The following NDUFA11 variants were observed in gnomAD, a reference collection of about 807,000 sequenced individuals.
NDUFA11 encodes NADH:ubiquinone oxidoreductase subunit A11, also known as NADH dehydrogenase [ubiquinone] 1 alpha subcomplex subunit 11.
In NDUFA11, 14 loss-of-function variants were observed where a neutral mutation model predicts 11.3. That is an observed-to-expected ratio of 1.24 (90% CI 0.82 to 1.94). NDUFA11 has a LOEUF of 1.94. Ranked by LOEUF, NDUFA11 falls within the 30% of genes most tolerant of loss-of-function variation. The pLI is 0.00. For missense variants in NDUFA11, 204 were observed against 200.3 expected (o/e 1.02, Z -0.11); for synonymous variants, 87 against 85.6 (o/e 1.02, Z -0.09).
intron 1 of NDUFA11, chr19:5,899,788 G>T (rs926972612): frequency 6.6e-6 from 1 of 152,000 alleles, no homozygotes; most frequent in African/African-American, 2.4e-5. Context: ...TAATGGGAGG[G>T]GACTGCCAGC....
At chr19:5,893,127 C>G (rs1478897730), downstream of NDUFA11, 2 of 1,535,978 alleles carry the variant, frequency 1.3e-6, no homozygotes, top group Non-Finnish European at 1.7e-6. The surrounding 1 kb of genome is among the most constrained non-coding windows in gnomAD (Gnocchi z 4.1). Context: ...CATCTGTGCT[C>G]TCTCCAGAGA....
At chr19:5,901,555 T>G (rs1599696708) in intron 1 of NDUFA11, 1 of 1,004,490 alleles carries the variant, frequency 1.0e-6, no homozygotes, top group South Asian at 1.5e-5. Context: ...TGCCTCCCAA[T>G]GGAGCCGCAA....
Position 5,896,526 on chromosome 19 carries a change from G to T in NDUFA11, c.240C>A (p.Val80=). The change falls in exon 3 of 4, where the codon GTC becomes GTA. Residue 80 remains valine (V), a synonymous_variant. Coordinates refer to ENST00000308961, the MANE Select transcript of NDUFA11 (RefSeq NM_175614.5). This position sits in a 1 kb window ranked among gnomAD's most constrained non-coding sequence, Gnocchi z 5.8. ...FGLTTCISAH[V]REKPDDPLNY... ...TCAGGGGGTCGTCGGGCTTCTCGCG[G>T]ACATGGGCGCTGATGCAGGTGGTGA... 6.4e-7 allele frequency: 1 copy of T among 1,569,894 alleles called. No homozygotes were observed. Among genetic ancestry groups the T allele is most frequent in the East Asian group, 2.3e-5 (1 of 42,776 alleles).
chr19:5,894,993 G>A, intron 3 of NDUFA11, 139 bp from the exon 4 acceptor site: 1 of 957,812 alleles, frequency 1.0e-6, no homozygotes, highest in Non-Finnish European at 1.5e-6. Flanking sequence ...AAGTCACTCA[G>A]GAAGAGGGCC....
intron 1 of NDUFA11, among the ~76,000 whole-genome samples, chr19:5,903,404 A>G (rs190686539): frequency 6.6e-6 from 1 of 151,390 alleles, no homozygotes; most frequent in Non-Finnish European, 1.5e-5. Flanking sequence ...GCATGTCACG[A>G]CCTCCCAGTG....
downstream of NDUFA11, chr19:5,891,883 T>TCAGTTTA (rs2057580129): frequency 6.6e-6 from 1 of 151,958 alleles, no homozygotes; most frequent in Non-Finnish European, 1.5e-5. Flanking sequence ...TGGGAAGGGC[T>TCAGTTTA]CCATGAAGTT....
At chr19:5,899,036 C>G (rs572466432) in intron 1 of NDUFA11, among the ~76,000 whole-genome samples, 2 of 152,016 alleles carry the variant, frequency 1.3e-5, no homozygotes, top group Non-Finnish European at 2.9e-5. Flanking sequence ...GCCCAGCAGC[C>G]CCATCCTCAG....
At chr19:5,901,803 G>A (rs1474962177) in intron 1 of NDUFA11, among the ~76,000 whole-genome samples, 6 of 151,308 alleles carry the variant, frequency 4.0e-5, no homozygotes, top group African/African-American at 1.2e-4. Flanking sequence ...CTGAGTATCT[G>A]GGACTACAGG....
chr19:5,891,559 C>A (rs2057578503), downstream of NDUFA11: 1 of 152,190 alleles, frequency 6.6e-6, no homozygotes, highest in Non-Finnish European at 1.5e-5. Flanking sequence ...CAGGGCCAGG[C>A]CGGTGTTCTT....
At position 5,894,873 on chromosome 19, in the gene NDUFA11, G is replaced by T. The variant is rs761826291; in HGVS notation, c.314-19C>A. On this transcript the variant is annotated intron_variant, in intron 3 of 3. Coordinates refer to ENST00000308961, the MANE Select transcript of NDUFA11 (RefSeq NM_175614.5). ...TTGTGCGCTGTGGGAGTGGGGAGGT[G>T]ATGTCAGGCCCGGGTGGGGCTCGGC... The T allele has an allele frequency of 1.9e-6, 3 of 1,584,206 alleles. No homozygotes were observed. Among genetic ancestry groups the T allele is most frequent in the Non-Finnish European group, 1.7e-6 (2 of 1,164,470 alleles).
At chr19:5,898,180 G>A (rs990463198) in intron 1 of NDUFA11, among the ~76,000 whole-genome samples, 7 of 151,880 alleles carry the variant, frequency 4.6e-5, no homozygotes, top group Admixed American at 6.6e-5. Flanking sequence ...CCAGCACAGC[G>A]AGCCTGGACG....
chr19:5,895,217 G>A, intron 3 of NDUFA11: 1 of 275,528 alleles, frequency 3.6e-6, no homozygotes, highest in Non-Finnish European at 7.1e-6. Context: ...GCCCATGGAT[G>A]CCAGGGCCAG....
chr19:5,898,878 T>TAAAA (rs34771049), intron 1 of NDUFA11, among the ~76,000 whole-genome samples: 5 of 82,502 alleles, frequency 6.1e-5, no homozygotes, highest in East Asian at 3.9e-4. Context: ...CGTCTCAAAA[T>TAAAA]AAAAAAAAAA....
intron 3 of NDUFA11, chr19:5,895,075 C>T (rs961018407): frequency 1.7e-6 from 1 of 580,558 alleles, no homozygotes; most frequent in Non-Finnish European, 3.0e-6. Flanking sequence ...AGCAGGAACC[C>T]AGGCTGTGGG....
At chr19:5,901,334 C>T (rs773317937) in intron 1 of NDUFA11, 43 of 1,286,212 alleles carry the variant, frequency 3.3e-5, no homozygotes, top group East Asian at 1.7e-4. Context: ...TCGATAAGGA[C>T]CTGATGGGAA....
chr19:5,895,998 G>T (rs2057605501), intron 3 of NDUFA11: 1 of 263,930 alleles, frequency 3.8e-6, no homozygotes, highest in Non-Finnish European at 7.3e-6. Flanking sequence ...CTGACTCACA[G>T]GCCAGTGGCA....
At position 5,903,695 on chromosome 19, in the gene NDUFA11, A is replaced by C. The variant is rs17841788; in HGVS notation, c.14T>G (p.Val5Gly). 6.4e-7 allele frequency: 1 copy of C among 1,550,888 alleles called. No homozygotes were observed. Among genetic ancestry groups the C allele is most frequent in the Non-Finnish European group, 8.7e-7 (1 of 1,146,720 alleles). The change falls in exon 1 of 4, where the codon GTT becomes GGT. Residue 5 changes from valine to glycine, a missense_variant. Val to Gly is a moderately radical substitution (Grantham distance 109). Transcript: ENST00000308961. MAPK[V>G]FRQYWDIPDG... is the part of the protein sequence containing the mutation. ...GGGGATATCCCAGTACTGACGAAAA[A>C]CCTTCGGCGCCATAGCCCGCAATCT...
At chr19:5,898,285 C>G (rs1282455891) in intron 1 of NDUFA11, among the ~76,000 whole-genome samples, 2 of 152,206 alleles carry the variant, frequency 1.3e-5, no homozygotes, top group Non-Finnish European at 2.9e-5. Context: ...TCAAGGGACC[C>G]ATGGGACATG....
rs1340509145 is a variant in NDUFA11 at position 5,901,872 on chromosome 19, C to T, written c.97+1740G>A. On this transcript the variant is annotated intron_variant, in intron 1 of 3. Coordinates refer to ENST00000308961, the MANE Select transcript of NDUFA11 (RefSeq NM_175614.5). ...ATTTTTAGTAGAGACGGGTTTTCACCGTGTTAGCCAGGATGGTCTCGATCT... is the reference window on the plus strand; with the variant it reads ...ATTTTTAGTAGAGACGGGTTTTCACTGTGTTAGCCAGGATGGTCTCGATCT... Among the ~76,000 whole-genome samples, 8 of 152,142 alleles carry T rather than the reference C, an allele frequency of 5.3e-5. No individual in the cohort carries two copies. The East Asian group carries it at 7.7e-4, about 15-fold the overall frequency.
Sources: gnomAD v4.1 joint callset for allele counts (sites outside exome capture counted in the v4.1 genomes callset) on GRCh38, gnomAD v4.1.1 for gene constraint, Gnocchi (gnomAD v3.1) non-coding constraint, MANE v1.5 for transcripts, NCBI Gene and HGNC (gene_info 2026-07-23, HGNC 2026-07-21) for gene names.